The following UCHL5 variants were observed in gnomAD, a reference collection of about 807,000 sequenced individuals.
The protein encoded by UCHL5 is ubiquitin C-terminal hydrolase L5, also known as ubiquitin carboxyl-terminal hydrolase isozyme L5.
A neutral mutation model predicts 53.8 loss-of-function variants in UCHL5; 34 were observed. The ratio of observed to expected loss-of-function variants is 0.63; its 90% CI spans 0.48 to 0.84. The LOEUF is 0.84. UCHL5 is among the 40% of genes least tolerant of loss of function. UCHL5 has a pLI of 0.00. For synonymous variants in UCHL5, 111 were observed against 126.3 expected (o/e 0.88, Z 0.81); for missense variants, 290 against 385.6 (o/e 0.75, Z 2.08).
chr1:193,026,933 G>A (rs890556553), intron 7 of UCHL5, among the ~76,000 whole-genome samples: 1 of 152,142 alleles, frequency 6.6e-6, no homozygotes, highest in African/African-American at 2.4e-5. Context: ...ATGAACTACT[G>A]ATACACTTAA....
chr1:193,030,146 A>T (rs946240164), intron 3 of UCHL5, among the ~76,000 whole-genome samples: 1 of 151,950 alleles, frequency 6.6e-6, no homozygotes, highest in Non-Finnish European at 1.5e-5. Flanking sequence ...ATGTCCACAT[A>T]TTTTTTTTCA....
At chr1:193,036,363 T>C (rs1307531069) in intron 3 of UCHL5, among the ~76,000 whole-genome samples, 3 of 138,634 alleles carry the variant, frequency 2.2e-5, no homozygotes, top group Admixed American at 7.1e-5. Flanking sequence ...ACTATCCTTA[T>C]ATCAGATAAA....
upstream of UCHL5, chr1:193,059,936 C>A: frequency 7.3e-7 from 1 of 1,366,388 alleles, no homozygotes. The surrounding 1 kb of genome is among the most constrained non-coding windows in gnomAD (Gnocchi z 4.9). Flanking sequence ...CCGCGCCTGT[C>A]CACCCTGGGT....
chr1:193,059,086 T>A lies in UCHL5; in HGVS notation c.76+99A>T. 1 of 1,311,250 alleles carries A rather than the reference T, an allele frequency of 7.6e-7. No homozygotes were observed. The highest frequency in any genetic ancestry group is 2.9e-5 in the Admixed American group (1 of 34,006). 81.2% of individuals were successfully genotyped at this position (1,311,250 alleles called of 1,614,324 possible). A position where few individuals can be genotyped will look rare whatever the true frequency, so the allele number is the denominator to read the frequency against. ...GACTCCAGGTTCCTGAAGTCACCTC[T>A]CCAGACGCGGGGCGGCGGTGGCCGC... On this transcript the variant is annotated intron_variant, in intron 1 of 10. Coordinates refer to ENST00000367454, the MANE Select transcript of UCHL5 (RefSeq NM_001199261.3). The surrounding 1 kb of genome is among the most constrained non-coding windows in gnomAD (Gnocchi z 4.9).
At chr1:193,049,366 C>T (rs1174486785) in intron 3 of UCHL5, among the ~76,000 whole-genome samples, 1 of 151,954 alleles carries the variant, frequency 6.6e-6, no homozygotes, top group Non-Finnish European at 1.5e-5. Context: ...ATGAGCCTCG[C>T]ACCATTGCAC....
intron 7 of UCHL5, among the ~76,000 whole-genome samples, chr1:193,025,947 A>G (rs1423362113): frequency 6.6e-6 from 1 of 152,158 alleles, no homozygotes; most frequent in Non-Finnish European, 1.5e-5. Context: ...AGGAACAGAT[A>G]AATGGAACAA....
At chr1:193,035,866 T>G (rs1451772053) in intron 3 of UCHL5, among the ~76,000 whole-genome samples, 1 of 152,052 alleles carries the variant, frequency 6.6e-6, no homozygotes, top group Non-Finnish European at 1.5e-5. Context: ...AAAGTTAAAG[T>G]GTAGAGTTTT....
Position 193,022,994 on chromosome 1 carries a change from T to C in UCHL5, c.775A>G (p.Ile259Val), listed in dbSNP as rs1027291966. 5 of 1,613,318 alleles carry C rather than the reference T, an allele frequency of 3.1e-6. No homozygotes were observed. The highest frequency in any genetic ancestry group is 2.2e-5 in the East Asian group (1 of 44,770). ...TDQGNSMLSAIQSEVAKNQML... is the reference protein window; with the variant it reads ...TDQGNSMLSAVQSEVAKNQML... ...TGATTTTTGGCAACTTCTGACTGAA[T>C]AGCACTTAACATACTATTACCTTGA... Residue 259 changes from isoleucine (I) to valine (V), a missense_variant, in exon 9 of 11, where the codon ATT becomes GTT. Transcript: ENST00000367454.
intron 7 of UCHL5, among the ~76,000 whole-genome samples, chr1:193,027,274 A>AAT (rs1012607444): frequency 1.5e-4 from 23 of 152,270 alleles, no homozygotes; most frequent in African/African-American, 5.5e-4. Context: ...CTTACAACTG[A>AAT]ATATATATAT....
upstream of UCHL5, chr1:193,059,657 C>T (rs770350655): frequency 7.3e-7 from 1 of 1,378,244 alleles, no homozygotes; most frequent in East Asian, 4.3e-5. This position sits in a 1 kb window ranked among gnomAD's most constrained non-coding sequence, Gnocchi z 4.9. Flanking sequence ...GGCAGTGGGG[C>T]TGTTGCTGTT....
Position 193,020,973 on chromosome 1 carries a change from CA to C in UCHL5, c.942+123del, listed in dbSNP as rs1373053605. 3 of 673,648 alleles carry C rather than the reference CA, an allele frequency of 4.5e-6. No homozygotes were observed. The African/African-American group carries it at 5.5e-5, about 12-fold the overall frequency. 41.7% of individuals were successfully genotyped at this position (673,648 alleles called of 1,614,324 possible). A position where few individuals can be genotyped will look rare whatever the true frequency, so the allele number is the denominator to read the frequency against. On this transcript the variant is annotated intron_variant, in intron 10 of 10. Transcript: ENST00000367454. ...CAGAGTAGAAAACAAGAGGCAAAAGCAAAAGAATAAAAACGTACAAGCTTCC... is the reference window on the plus strand; with the variant it reads ...CAGAGTAGAAAACAAGAGGCAAAAGCAAAGAATAAAAACGTACAAGCTTCC...
At chr1:193,026,083 C>T (rs9427573) in intron 7 of UCHL5, among the ~76,000 whole-genome samples, 2,755 of 133,136 alleles carry the variant, frequency 0.021, 89 homozygotes, top group African/African-American at 0.072. Flanking sequence ...ATTGAATATG[C>T]ATAGGCAAAA....
In UCHL5 at chr1:193,014,924, A is replaced by G. The variant is rs1455699627; in HGVS notation, c.*1427T>C. ...GAAAGAATATATAAATTAAGCTGAA[A>G]TAAACGAATGAGATCAAGATGAGCC... On this transcript the variant is annotated 3_prime_UTR_variant, in exon 11 of 11. Transcript: ENST00000367454. 2 of 152,154 alleles carry G rather than the reference A, an allele frequency of 1.3e-5. No homozygotes were observed. The highest frequency in any genetic ancestry group is 2.9e-5 in the Non-Finnish European group (2 of 67,994). The allele number at this position is 152,154 out of a possible 1,614,324, so 9.4% of individuals were successfully genotyped here.
At chr1:193,017,331 C>T (rs1655202138) in intron 10 of UCHL5, among the ~76,000 whole-genome samples, 2 of 151,554 alleles carry the variant, frequency 1.3e-5, no homozygotes, top group Admixed American at 6.6e-5. Context: ...ATAAAAAATA[C>T]AGCAATTAAA....
chr1:193,037,516 G>A (rs2102605033), intron 3 of UCHL5, among the ~76,000 whole-genome samples: 1 of 152,178 alleles, frequency 6.6e-6, no homozygotes, highest in South Asian at 2.1e-4. Flanking sequence ...AGCCCAGGAT[G>A]TGACAACTTC....
At chr1:193,027,778 A>C in intron 7 of UCHL5, 1 of 580,968 alleles carries the variant, frequency 1.7e-6, no homozygotes, top group South Asian at 1.7e-5. Flanking sequence ...CTACTACATG[A>C]AATTTAGAGA....
chr1:193,039,139 G>C (rs987464405), intron 3 of UCHL5, among the ~76,000 whole-genome samples: 1 of 152,208 alleles, frequency 6.6e-6, no homozygotes, highest in African/African-American at 2.4e-5. Context: ...AGTGGCTCAA[G>C]CCTGTAATCC....
chr1:193,040,419 G>T (rs545804642), intron 3 of UCHL5, among the ~76,000 whole-genome samples: 1 of 152,230 alleles, frequency 6.6e-6, no homozygotes, highest in Middle Eastern at 3.4e-3. Context: ...AATCATCAGA[G>T]CAATGCAAAT....
intron 3 of UCHL5, among the ~76,000 whole-genome samples, chr1:193,035,072 A>T (rs1174812276): frequency 6.6e-6 from 1 of 152,040 alleles, no homozygotes; most frequent in Non-Finnish European, 1.5e-5. Context: ...AAAGGATTAT[A>T]AAGGAGGAAA....
Sources: allele counts gnomAD v4.1 joint callset (sites outside exome capture counted in the v4.1 genomes callset), GRCh38; gene constraint gnomAD v4.1.1; non-coding constraint Gnocchi (gnomAD v3.1); transcripts MANE v1.5; gene names NCBI Gene and HGNC (gene_info 2026-07-23, HGNC 2026-07-21).